ELP3: variants seen among roughly 807,000 people sequenced by gnomAD.
ELP3 encodes elongator acetyltransferase complex subunit 3, also known as elongator complex protein 3.
In ELP3, 56 loss-of-function variants were observed where a neutral mutation model predicts 74.9. That is an observed-to-expected ratio of 0.75 (90% CI 0.60 to 0.93). The LOEUF is 0.93. ELP3 is among the 40% of genes least tolerant of loss of function. ELP3 has a pLI of 0.00. For synonymous variants in ELP3, 222 were observed against 239.8 expected (o/e 0.93, Z 0.68); for missense variants, 573 against 686.5 (o/e 0.83, Z 1.85).
rs182808353 is a variant in ELP3 at position 28,102,647 on chromosome 8, A to G, written c.258+2681A>G. 3.5e-4 allele frequency among the ~76,000 whole-genome samples: 54 copies of G among 152,232 alleles called. No homozygotes were observed. The East Asian group carries it at 0.01, about 28-fold the overall frequency. ...GTTTATAGAGAAAAAAAATTTATACACTTCCTCTAGCACCTTCACCCCTAC... is the reference window on the plus strand; with the variant it reads ...GTTTATAGAGAAAAAAAATTTATACGCTTCCTCTAGCACCTTCACCCCTAC... On this transcript the variant is annotated intron_variant, in intron 3 of 14. Transcript: ENST00000256398.
At chr8:28,120,419 T>A (rs1393002275) in intron 7 of ELP3, among the ~76,000 whole-genome samples, 2 of 152,258 alleles carry the variant, frequency 1.3e-5, no homozygotes, top group Non-Finnish European at 2.9e-5. Flanking sequence ...TGCCCATTTT[T>A]GATTAGGTGG....
At chr8:28,101,175 T>C (rs1375431110) in intron 3 of ELP3, among the ~76,000 whole-genome samples, 3 of 151,910 alleles carry the variant, frequency 2.0e-5, no homozygotes, top group Admixed American at 6.6e-5. Flanking sequence ...CCCAGCACTT[T>C]GGGAGGCCGA....
chr8:28,184,087 C>T (rs768668086), intron 14 of ELP3, among the ~76,000 whole-genome samples: 2 of 152,228 alleles, frequency 1.3e-5, no homozygotes, highest in Non-Finnish European at 2.9e-5. Flanking sequence ...AAGGCCCTCA[C>T]CCAGCCTTGG....
At chr8:28,100,170 GAGT>G (rs1282303489) in intron 3 of ELP3, among the ~76,000 whole-genome samples, 1 of 152,210 alleles carries the variant, frequency 6.6e-6, no homozygotes, top group African/African-American at 2.4e-5. Context: ...GTGATTAAAG[GAGT>G]AGATGATGTT....
chr8:28,102,851 A>G (rs771151038), intron 3 of ELP3, among the ~76,000 whole-genome samples: 5 of 152,306 alleles, frequency 3.3e-5, no homozygotes, highest in Middle Eastern at 3.4e-3. Context: ...ACTGTGTCAT[A>G]TGAAATAGTT....
chr8:28,158,509 G>T, intron 11 of ELP3, 59 bp from the exon 12 acceptor site: 1 of 1,135,386 alleles, frequency 8.8e-7, no homozygotes, highest in Non-Finnish European at 1.3e-6. Flanking sequence ...TTGGTTACCA[G>T]TTTTATATTT....
chr8:28,100,537 G>A (rs1180628916), intron 3 of ELP3, among the ~76,000 whole-genome samples: 1 of 152,244 alleles, frequency 6.6e-6, no homozygotes, highest in African/African-American at 2.4e-5. Flanking sequence ...AGGAAATAGC[G>A]AGTACGCCAG....
At chr8:28,137,946 T>G in intron 10 of ELP3, 55 bp downstream of exon 10, 2 of 1,432,096 alleles carry the variant, frequency 1.4e-6, no homozygotes, top group African/African-American at 1.5e-5. Context: ...GTTTACTATT[T>G]CTCATGGAAA....
At chr8:28,187,891 T>A (rs1328205113) in intron 14 of ELP3, among the ~76,000 whole-genome samples, 1 of 152,058 alleles carries the variant, frequency 6.6e-6, no homozygotes, top group Admixed American at 6.5e-5. Flanking sequence ...AGTGACAGAT[T>A]TAGGGGTTGC....
At position 28,099,841 on chromosome 8, in the gene ELP3, AC is replaced by A; in HGVS notation, c.134del (p.Thr45LysfsTer28). On this transcript the variant is annotated frameshift_variant, in exon 3 of 15. Coordinates refer to ENST00000256398, the MANE Select transcript of ELP3 (RefSeq NM_018091.6). LOFTEE classifies it high-confidence loss of function. ...CTTTACTTTCAGGGTGAAAACCAAGACAGCTGCCAAATATGGCCTTTCTGCC... is the reference window on the plus strand; with the variant it reads ...CTTTACTTTCAGGGTGAAAACCAAGAAGCTGCCAAATATGGCCTTTCTGCC... ...DIDLNKVKTK[T>X]AAKYGLSAQP... 2.5e-6 allele frequency: 4 copies of A among 1,614,220 alleles called. No individual in the cohort carries two copies. The highest frequency in any genetic ancestry group is 3.4e-6 in the Non-Finnish European group (4 of 1,180,048).
chr8:28,151,344 T>C (rs1813636115), intron 10 of ELP3, among the ~76,000 whole-genome samples: 2 of 152,218 alleles, frequency 1.3e-5, no homozygotes, highest in African/African-American at 4.8e-5. Context: ...GTCCTTAAAT[T>C]CTAGCTACCT....
chr8:28,157,405 A>G (rs565930528), intron 11 of ELP3, among the ~76,000 whole-genome samples: 1 of 152,202 alleles, frequency 6.6e-6, no homozygotes, highest in East Asian at 1.9e-4. Context: ...CAGCAGCTAC[A>G]TTAAGTAGAT....
intron 7 of ELP3, among the ~76,000 whole-genome samples, chr8:28,117,508 T>C (rs1050760343): frequency 3.3e-5 from 5 of 152,182 alleles, no homozygotes; most frequent in African/African-American, 1.2e-4. Context: ...GTTTCTGTTC[T>C]TGAATTTACC....
At chr8:28,185,390 A>C (rs1002986941) in intron 14 of ELP3, among the ~76,000 whole-genome samples, 1 of 152,190 alleles carries the variant, frequency 6.6e-6, no homozygotes, top group Non-Finnish European at 1.5e-5. Flanking sequence ...GTATATACAC[A>C]ACATAAGAAT....
intron 7 of ELP3, among the ~76,000 whole-genome samples, chr8:28,123,295 G>T (rs1445169599): frequency 6.6e-6 from 1 of 152,166 alleles, no homozygotes; most frequent in African/African-American, 2.4e-5. Context: ...TAGGAATGGG[G>T]TGTTTAATTT....
At position 28,106,787 on chromosome 8, in the gene ELP3, AGTAT is replaced by A. The variant is rs776373101; in HGVS notation, c.329+6_329+9del. 7.5e-6 allele frequency: 12 copies of A among 1,610,132 alleles called. No individual in the cohort carries two copies. The South Asian group carries it at 1.2e-4, about 16-fold the overall frequency. On this transcript the variant is annotated splice_donor_5th_base_variant and intron_variant, in intron 4 of 14. Transcript: ENST00000256398. ...GTTTTACAGGAAATATATGTGTGTAAGTATGGTGATTTTATTAAATTGTATGTAT... is the reference window on the plus strand; with the variant it reads ...GTTTTACAGGAAATATATGTGTGTAAGGTGATTTTATTAAATTGTATGTAT...
chr8:28,170,560 A>G (rs1015150124), intron 14 of ELP3, among the ~76,000 whole-genome samples: 42 of 152,106 alleles, frequency 2.8e-4, no homozygotes, highest in African/African-American at 1.0e-3. Context: ...CGTGCTGGCC[A>G]TTTATCTTTT....
intron 14 of ELP3, among the ~76,000 whole-genome samples, chr8:28,177,757 T>C (rs936413284): frequency 6.6e-6 from 1 of 152,242 alleles, no homozygotes; most frequent in African/African-American, 2.4e-5. Flanking sequence ...AGCTAATTCA[T>C]TTTCCTGCTT....
At chr8:28,103,101 C>G (rs1811555126) in intron 3 of ELP3, among the ~76,000 whole-genome samples, 1 of 152,140 alleles carries the variant, frequency 6.6e-6, no homozygotes. Flanking sequence ...ACCCAGGAGG[C>G]AGAGGTTGCG....
Sources: allele counts gnomAD v4.1 joint callset (sites outside exome capture counted in the v4.1 genomes callset), GRCh38; gene constraint gnomAD v4.1.1; transcripts MANE v1.5; gene names NCBI Gene and HGNC (gene_info 2026-07-23, HGNC 2026-07-21).